The following TBC1D5 variants were observed in gnomAD, a reference collection of about 807,000 sequenced individuals.
TBC1D5 encodes TBC1 domain family, member 5.
In TBC1D5, 75 loss-of-function variants were observed where a neutral mutation model predicts 100.3. That is an observed-to-expected ratio of 0.75 (90% CI 0.62 to 0.91). TBC1D5 has a LOEUF of 0.91. TBC1D5 is among the 40% of genes least tolerant of loss of function. The pLI is 0.00. For synonymous variants in TBC1D5, 323 were observed against 325.6 expected (o/e 0.99, Z 0.09); for missense variants, 910 against 942.4 (o/e 0.97, Z 0.45).
At chr3:17,174,371 T>C (rs1265443589) in intron 19 of TBC1D5, among the ~76,000 whole-genome samples, 1 of 152,232 alleles carries the variant, frequency 6.6e-6, no homozygotes, top group Non-Finnish European at 1.5e-5. Context: ...GAAACCCCAC[T>C]GCTCCTTGCT....
At chr3:17,506,324 A>G (rs1196400975) in intron 3 of TBC1D5, among the ~76,000 whole-genome samples, 1 of 152,180 alleles carries the variant, frequency 6.6e-6, no homozygotes, top group Admixed American at 6.5e-5. Context: ...AAAGCCCACT[A>G]TGGTTAGTAA....
At chr3:17,428,429 A>G in intron 4 of TBC1D5, 21 bp downstream of exon 4, 7 of 665,470 alleles carry the variant, frequency 1.1e-5, no homozygotes, top group Middle Eastern at 5.2e-4. Context: ...ATATATATAT[A>G]TATATGTATT....
At chr3:17,313,197 C>G (rs1013932725) in intron 13 of TBC1D5, among the ~76,000 whole-genome samples, 3 of 152,098 alleles carry the variant, frequency 2.0e-5, no homozygotes, top group African/African-American at 7.2e-5. Context: ...GGGATGAAAG[C>G]TGCTGAGAAG....
intron 2 of TBC1D5, among the ~76,000 whole-genome samples, chr3:17,531,129 A>G (rs1399212004): frequency 1.3e-5 from 2 of 152,264 alleles, no homozygotes; most frequent in African/African-American, 4.8e-5. Context: ...AAGCAACTTC[A>G]GGGAAGTCTC....
intron 1 of TBC1D5, among the ~76,000 whole-genome samples, chr3:17,632,332 T>C (rs1254319767): frequency 6.6e-6 from 1 of 152,178 alleles, no homozygotes; most frequent in Non-Finnish European, 1.5e-5. Flanking sequence ...AATTTGCTTC[T>C]TATGGATGAG....
intron 15 of TBC1D5, among the ~76,000 whole-genome samples, chr3:17,283,428 G>A (rs550755907): frequency 6.6e-6 from 1 of 152,278 alleles, no homozygotes; most frequent in African/African-American, 2.4e-5. Flanking sequence ...CTACACAGAG[G>A]AGCATGTTGA....
intron 8 of TBC1D5, among the ~76,000 whole-genome samples, chr3:17,391,600 C>T (rs972303646): frequency 1.3e-5 from 2 of 151,636 alleles, no homozygotes; most frequent in African/African-American, 4.8e-5. Context: ...GTAGAAGTGC[C>T]TATGGGACTG....
In TBC1D5 at chr3:17,372,100, C is replaced by A. The variant is rs2092491607; in HGVS notation, c.970G>T (p.Glu324Ter). Residue 324 changes from glutamate to a stop codon, truncating the protein, a stop_gained, in exon 13 of 22, where the codon GAA becomes TAA. Transcript: ENST00000253692. LOFTEE classifies it high-confidence loss of function. The stretch of plus-strand genomic sequence containing the variant: ...AACCCATATATCTGTGGTGCAATTT[C>A]TAGTCTGTTCAAGTGCATGTAAAGC... The A allele has an allele frequency of 6.2e-7, 1 of 1,612,152 alleles. No homozygotes were observed. The highest frequency in any genetic ancestry group is 8.5e-7 in the Non-Finnish European group (1 of 1,179,148).
chr3:17,195,414 T>A (rs1385068545), intron 18 of TBC1D5, among the ~76,000 whole-genome samples: 1 of 152,240 alleles, frequency 6.6e-6, no homozygotes, highest in Non-Finnish European at 1.5e-5. Context: ...CAGCTGAGTT[T>A]CTCATAGCAA....
intron 3 of TBC1D5, among the ~76,000 whole-genome samples, chr3:17,490,462 G>A (rs1286522579): frequency 6.6e-6 from 1 of 152,114 alleles, no homozygotes; most frequent in South Asian, 2.1e-4. Flanking sequence ...AGTTTTCACA[G>A]TTTCATAGTT....
chr3:17,269,700 G>C (rs1409936392), intron 15 of TBC1D5, among the ~76,000 whole-genome samples: 1 of 148,406 alleles, frequency 6.7e-6, no homozygotes, highest in African/African-American at 2.5e-5. Flanking sequence ...GTTTAGGTCA[G>C]TTGAACCCAA....
chr3:17,703,609 A>G (rs1220764334), intron 1 of TBC1D5, among the ~76,000 whole-genome samples: 2 of 152,132 alleles, frequency 1.3e-5, no homozygotes, highest in Non-Finnish European at 2.9e-5. Context: ...TCAAAAGAGG[A>G]TGCAAGCTTA....
At chr3:17,586,520 T>C (rs532107515) in intron 2 of TBC1D5, 2 of 152,022 alleles carry the variant, frequency 1.3e-5, no homozygotes, top group Non-Finnish European at 2.9e-5. Flanking sequence ...ACAAACTAAG[T>C]TCTCCCTTAA....
intron 1 of TBC1D5, among the ~76,000 whole-genome samples, chr3:17,657,981 A>G (rs1312878733): frequency 6.6e-6 from 1 of 152,188 alleles, no homozygotes; most frequent in Non-Finnish European, 1.5e-5. Context: ...ATAATACTGT[A>G]ATTTTACTGT....
intron 13 of TBC1D5, among the ~76,000 whole-genome samples, chr3:17,326,449 C>G (rs982081627): frequency 6.6e-6 from 1 of 152,002 alleles, no homozygotes; most frequent in Non-Finnish European, 1.5e-5. Context: ...GAACCAGAAC[C>G]TCTGTACTTG....
chr3:17,388,514 A>C (rs2093242279), intron 8 of TBC1D5, among the ~76,000 whole-genome samples: 4 of 151,934 alleles, frequency 2.6e-5, no homozygotes, highest in Admixed American at 2.6e-4. Flanking sequence ...ATATCTGTAA[A>C]TACTGCAATG....
At chr3:17,364,931 A>G (rs975421859) in intron 13 of TBC1D5, among the ~76,000 whole-genome samples, 2 of 152,174 alleles carry the variant, frequency 1.3e-5, no homozygotes, top group African/African-American at 4.8e-5. Flanking sequence ...TCACAATGCT[A>G]TTGCATAAAC....
chr3:17,642,830 AGGGACTTT>A (rs1289330697), intron 1 of TBC1D5, among the ~76,000 whole-genome samples: 1 of 152,148 alleles, frequency 6.6e-6, no homozygotes, highest in Non-Finnish European at 1.5e-5. Flanking sequence ...AATTTCCAAA[AGGGACTTT>A]TTAACTTTTT....
At chr3:17,674,594 G>A (rs2153793099) in intron 1 of TBC1D5, among the ~76,000 whole-genome samples, 1 of 152,210 alleles carries the variant, frequency 6.6e-6, no homozygotes, top group East Asian at 1.9e-4. Flanking sequence ...TTGAAACTAT[G>A]AAGCAATCAC....
Sources: gnomAD v4.1 joint callset for allele counts (sites outside exome capture counted in the v4.1 genomes callset) on GRCh38, gnomAD v4.1.1 for gene constraint, MANE v1.5 for transcripts, NCBI Gene and HGNC (gene_info 2026-07-23, HGNC 2026-07-21) for gene names.